The following XG variants were observed in gnomAD, a reference collection of about 807,000 sequenced individuals.
XG encodes the protein Xg glycoprotein (Xg blood group).
Under a neutral mutation model 25.7 loss-of-function variants are expected in XG, and 24 were observed. That is an observed-to-expected ratio of 0.93 (90% confidence interval 0.68 to 1.31). The LOEUF (loss-of-function observed/expected upper bound fraction) is 1.31. XG is among the 40% of genes most tolerant of loss of function. XG has a pLI of 0.00. For missense variants in XG, 181 were observed against 187.6 expected, an observed-to-expected ratio of 0.96 and a Z score of 0.21; for synonymous variants, 77 against 69.2, an observed-to-expected ratio of 1.11 and a Z score of -0.56.
At chrX:2,799,847 T>C (rs1569043955) in intron 7 of XG, among the ~76,000 whole-genome samples, 1 of 111,934 alleles carries the variant, frequency 8.9e-6, no homozygotes, top group Non-Finnish European at 1.9e-5. Flanking sequence ...CCTTTCACAA[T>C]GCGTACTCCG....
chrX:2,754,101 G>A (rs1406279087), intron 1 of XG, among the ~76,000 whole-genome samples: 1 of 151,922 alleles, frequency 6.6e-6, no homozygotes, highest in Non-Finnish European at 1.5e-5. Flanking sequence ...TTTTTTTAAT[G>A]TGTTTTAATT....
chrX:2,775,905 G>A (rs1168510158), intron 3 of XG, among the ~76,000 whole-genome samples: 1 of 147,942 alleles, frequency 6.8e-6, no homozygotes, highest in Non-Finnish European at 1.5e-5. Context: ...GCAGTGAGCC[G>A]AGATCATGCC....
At chrX:2,779,122 C>CT (rs756086057) in intron 3 of XG, among the ~76,000 whole-genome samples, 54 of 148,838 alleles carry the variant, frequency 3.6e-4, no homozygotes, top group Admixed American at 8.7e-4. Flanking sequence ...TAAAAGAAAA[C>CT]TTTTTTTTTT....
intron 1 of XG, among the ~76,000 whole-genome samples, chrX:2,760,435 T>C: frequency 6.6e-6 from 1 of 151,512 alleles, no homozygotes; most frequent in East Asian, 2.0e-4. Context: ...GGAGATGGGG[T>C]CTTTAAAGAG....
At chrX:2,772,288 C>T (rs2050834854) in intron 2 of XG, among the ~76,000 whole-genome samples, 1 of 152,086 alleles carries the variant, frequency 6.6e-6, no homozygotes, top group Non-Finnish European at 1.5e-5. Flanking sequence ...CAGCAATATT[C>T]ACAATAAGCC....
At chrX:2,795,964 T>C (rs1012398401) in intron 6 of XG, among the ~76,000 whole-genome samples, 2 of 110,785 alleles carry the variant, frequency 1.8e-5, no homozygotes, top group African/African-American at 3.3e-5. Context: ...TCTATATGTA[T>C]ATCTTCTAAT....
intron 5 of XG, among the ~76,000 whole-genome samples, chrX:2,793,396 C>T (rs7891526): frequency 2.2e-4 from 25 of 111,724 alleles, no homozygotes; most frequent in African/African-American, 8.1e-4. Flanking sequence ...TCGTTTGAGC[C>T]TGAAGTAGCT....
intron 1 of XG, among the ~76,000 whole-genome samples, chrX:2,753,250 T>G (rs1476687371): frequency 2.0e-5 from 3 of 152,186 alleles, no homozygotes; most frequent in Non-Finnish European, 4.4e-5. Context: ...GTGAGAATTT[T>G]TTATTATTCT....
rs375357155 is a variant in XG at position 2,766,288 on chromosome X, G to C, written c.62-4262G>C. On this transcript the variant is annotated intron_variant, in intron 1 of 10. Coordinates refer to ENST00000644266, the MANE Select transcript of XG (RefSeq NM_001141919.2). ...CCTGAGTAGCTGGGATTACAGGCAC[G>C]CACCACCACGCTCAGCTAAGTTTTG... Among the ~76,000 whole-genome samples the C allele has an allele frequency of 9.2e-5, 14 of 151,846 alleles. No individual in the cohort carries two copies. The East Asian group carries it at 1.6e-3, about 17-fold the overall frequency.
At chrX:2,799,579 G>A (rs181090359) in intron 7 of XG, among the ~76,000 whole-genome samples, 1 of 111,488 alleles carries the variant, frequency 9.0e-6, no homozygotes, top group East Asian at 2.8e-4. Flanking sequence ...ACAAAATGGG[G>A]CAGGGGAGCA....
At chrX:2,790,668 C>T (rs1295419754) in intron 5 of XG, among the ~76,000 whole-genome samples, 4 of 110,624 alleles carry the variant, frequency 3.6e-5, no homozygotes, top group Non-Finnish European at 7.6e-5. Flanking sequence ...GGCAGAGTGA[C>T]GCGTGCCTGT....
intron 1 of XG, among the ~76,000 whole-genome samples, chrX:2,754,403 C>A (rs191995474): frequency 6.6e-6 from 1 of 152,152 alleles, no homozygotes; most frequent in African/African-American, 2.4e-5. Flanking sequence ...CCCTGTCCTG[C>A]GCTAAATTCT....
At chrX:2,768,823 G>C (rs1476115190) in intron 1 of XG, among the ~76,000 whole-genome samples, 1 of 152,182 alleles carries the variant, frequency 6.6e-6, no homozygotes, top group Non-Finnish European at 1.5e-5. Context: ...AAGAGAGCTG[G>C]ATGGAGCAAA....
intron 1 of XG, among the ~76,000 whole-genome samples, chrX:2,763,348 T>C (rs2050606204): frequency 6.6e-6 from 1 of 152,112 alleles, no homozygotes; most frequent in Non-Finnish European, 1.5e-5. Flanking sequence ...CTGAGTTGAT[T>C]TTCAGGAACC....
At position 2,765,861 on chromosome X, in the gene XG, C is replaced by T. The variant is rs774918147; in HGVS notation, c.62-4689C>T. ...AATTGCTGTTTGTTATATTGACTTT[C>T]TGGGGTCGTGGCCCCTGAAGCATTA... On this transcript the variant is annotated intron_variant, in intron 1 of 10. Transcript: ENST00000644266. Among the ~76,000 whole-genome samples, 495 of 152,350 alleles carry T rather than the reference C, an allele frequency of 3.2e-3. 1 individual carries two copies. Among genetic ancestry groups the T allele is most frequent in the Non-Finnish European group, 5.2e-3 (354 of 68,036 alleles).
At chrX:2,801,769 C>T (rs756729311) in intron 7 of XG, among the ~76,000 whole-genome samples, 140 of 110,354 alleles carry the variant, frequency 1.3e-3, no homozygotes, top group African/African-American at 2.6e-3. Context: ...AGTGCAGTGG[C>T]GTCATCTCGG....
intron 1 of XG, among the ~76,000 whole-genome samples, chrX:2,753,165 ATTGGAGT>A (rs1395246875): frequency 5.3e-5 from 8 of 152,266 alleles, no homozygotes; most frequent in East Asian, 3.9e-4. Context: ...CGTCATTAAG[ATTGGAGT>A]TGGTTGTTTA....
intron 1 of XG, chrX:2,752,916 A>C (rs1346477025): frequency 3.0e-6 from 3 of 985,322 alleles, no homozygotes; most frequent in Non-Finnish European, 3.6e-6. Flanking sequence ...TCCCAGATCC[A>C]AGATTAGATT....
intron 1 of XG, among the ~76,000 whole-genome samples, chrX:2,753,820 G>A (rs926439907): frequency 1.3e-5 from 2 of 152,038 alleles, no homozygotes; most frequent in African/African-American, 4.8e-5. Context: ...GACCTCTGGT[G>A]ATCCACCGGC....
Sources: gnomAD v4.1 joint callset for allele counts (sites outside exome capture counted in the v4.1 genomes callset) on GRCh38, gnomAD v4.1.1 for gene constraint, MANE v1.5 for transcripts, NCBI Gene and HGNC (gene_info 2026-07-23, HGNC 2026-07-21) for gene names.